The following COL4A3 variants were observed in gnomAD, a reference collection of about 807,000 sequenced individuals.
COL4A3 encodes collagen type IV alpha 3 chain.
Under a neutral mutation model 217.4 loss-of-function variants are expected in COL4A3, and 135 were observed. The ratio of observed to expected loss-of-function variants is 0.62; its 90% CI spans 0.54 to 0.72. The LOEUF (loss-of-function observed/expected upper bound fraction) is 0.72, where lower values mean the gene tolerates loss of function less well. Among genes scored for constraint, COL4A3 ranks in the 30% least tolerant of loss-of-function variants. The probability of loss-of-function intolerance (pLI) is 0.00; values close to 1 mark genes in which losing one functional copy is unlikely to be tolerated. For missense variants in COL4A3, 1,868 were observed against 2,119.9 expected, an observed-to-expected ratio of 0.88 and a Z score of 2.33; for synonymous variants, 690 against 736.3, an observed-to-expected ratio of 0.94 and a Z score of 1.02.
chr2:227,245,524 C>G (rs2069283536), intron 5 of COL4A3, among the ~76,000 whole-genome samples: 2 of 151,928 alleles, frequency 1.3e-5, no homozygotes, highest in Admixed American at 6.6e-5. Context: ...TGGAACTAAC[C>G]CCCACAGGTG....
intron 15 of COL4A3, among the ~76,000 whole-genome samples, chr2:227,254,965 A>G (rs943421563): frequency 2.6e-5 from 4 of 152,226 alleles, no homozygotes; most frequent in Non-Finnish European, 5.9e-5. Context: ...TTCTCTCTGC[A>G]TATCAGCCTC....
At position 227,306,309 on chromosome 2, in the gene COL4A3, C is replaced by T. The variant is rs372026798; in HGVS notation, c.4252+1226C>T. ...AAGAGTCAAACTGCACTGGCATAAA[C>T]TGATAGCCCTGGCCCCTTTCTTGGA... On this transcript the variant is annotated intron_variant, in intron 47 of 51. Transcript: ENST00000396578. Among the ~76,000 whole-genome samples, 6 of 152,178 alleles carry T rather than the reference C, an allele frequency of 3.9e-5. No individual in the cohort carries two copies. In the East Asian group the frequency reaches 1.2e-3, roughly 29 times the overall value.
chr2:227,223,560 G>C (rs55812506), intron 1 of COL4A3, among the ~76,000 whole-genome samples: 68,189 of 151,078 alleles, frequency 0.45, 16,612 homozygotes, highest in Non-Finnish European at 0.56. Flanking sequence ...ATGGTGAGAC[G>C]CCCCCCCAAC....
chr2:227,166,317 G>A (rs1477064562), intron 1 of COL4A3, among the ~76,000 whole-genome samples: 1 of 152,274 alleles, frequency 6.6e-6, no homozygotes, highest in East Asian at 1.9e-4. Context: ...AAAACTCAGT[G>A]GGGATTATCT....
chr2:227,186,797 A>C (rs530980046), intron 1 of COL4A3, among the ~76,000 whole-genome samples: 1 of 152,292 alleles, frequency 6.6e-6, no homozygotes, highest in Non-Finnish European at 1.5e-5. Context: ...AAACATCATA[A>C]ATTGGGTGGC....
In COL4A3 at chr2:227,310,568, G is replaced by A. The variant is rs568150867; in HGVS notation, c.4756-208G>A. 5.3e-4 allele frequency among the ~76,000 whole-genome samples: 80 copies of A among 152,282 alleles called. 1 individual carries two copies. The South Asian group carries it at 0.016, about 30-fold the overall frequency. ...TGACCTCAAGTGATCTGCCCACCTA[G>A]GCCTCCCAAAGAGCGAGCTGGGATT... is the stretch of plus-strand genomic sequence containing the variant. On this transcript the variant is annotated intron_variant, in intron 50 of 51. Coordinates refer to ENST00000396578, the MANE Select transcript of COL4A3 (RefSeq NM_000091.5).
intron 1 of COL4A3, among the ~76,000 whole-genome samples, chr2:227,170,862 G>A (rs1227410420): frequency 6.6e-6 from 1 of 152,126 alleles, no homozygotes; most frequent in African/African-American, 2.4e-5. Context: ...CTTAATGACT[G>A]GATGTTAATG....
intron 1 of COL4A3, among the ~76,000 whole-genome samples, chr2:227,165,499 A>T (rs1416315991): frequency 6.6e-6 from 1 of 152,184 alleles, no homozygotes; most frequent in Non-Finnish European, 1.5e-5. Context: ...CATATTTCTT[A>T]TTCTTTGCCA....
At chr2:227,225,242 TC>T in intron 1 of COL4A3, among the ~76,000 whole-genome samples, 1 of 152,306 alleles carries the variant, frequency 6.6e-6, no homozygotes. Flanking sequence ...AGATTTTTTT[TC>T]AAATGGTCCT....
At chr2:227,190,364 C>A (rs1476160613) in intron 1 of COL4A3, among the ~76,000 whole-genome samples, 1 of 152,194 alleles carries the variant, frequency 6.6e-6, no homozygotes, top group Non-Finnish European at 1.5e-5. Context: ...GATCCTGACT[C>A]CCTTTTAAAA....
chr2:227,207,597 A>AG (rs11323859), intron 1 of COL4A3, among the ~76,000 whole-genome samples: 1 of 152,200 alleles, frequency 6.6e-6, no homozygotes, highest in Non-Finnish European at 1.5e-5. Context: ...TTTAAAGGGC[A>AG]GGGGGGTTTG....
At chr2:227,295,390 T>C (rs2072987270) in intron 41 of COL4A3, 74 bp downstream of exon 41, 5 of 1,283,894 alleles carry the variant, frequency 3.9e-6, no homozygotes, top group Non-Finnish European at 5.7e-6. Context: ...GCTTGAAATA[T>C]AAAGTAAGCT....
chr2:227,289,976 A>G (rs1334918855), intron 35 of COL4A3, 23 bp from the exon 36 acceptor site: 3 of 1,608,268 alleles, frequency 1.9e-6, no homozygotes, highest in Admixed American at 1.7e-5. Context: ...GTGCAGGGCA[A>G]TAACTACTTA....
chr2:227,187,369 T>C (rs1206229898), intron 1 of COL4A3, among the ~76,000 whole-genome samples: 6 of 152,238 alleles, frequency 3.9e-5, no homozygotes, highest in Admixed American at 3.3e-4. Context: ...GGGATGCCTT[T>C]GAATAGAAAT....
intron 4 of COL4A3, among the ~76,000 whole-genome samples, 197 bp downstream of exon 4, chr2:227,244,561 G>A (rs1173451036): frequency 6.6e-6 from 1 of 152,126 alleles, no homozygotes; most frequent in South Asian, 2.1e-4. Flanking sequence ...ACCAAGAAAG[G>A]CCATGAAGGA....
chr2:227,254,269 T>G, intron 14 of COL4A3, 95 bp downstream of exon 14: 1 of 1,164,540 alleles, frequency 8.6e-7, no homozygotes, highest in Non-Finnish European at 1.3e-6. Flanking sequence ...GTTTTTTTTT[T>G]TAAAGAAAGT....
chr2:227,264,018 C>T (rs1400308597), intron 21 of COL4A3, 74 bp downstream of exon 21: 3 of 1,536,254 alleles, frequency 2.0e-6, no homozygotes, highest in Non-Finnish European at 2.7e-6. Context: ...GGGCAACAAA[C>T]CCTCCTCACA....
At chr2:227,222,873 C>G (rs1327188011) in intron 1 of COL4A3, among the ~76,000 whole-genome samples, 1 of 152,194 alleles carries the variant, frequency 6.6e-6, no homozygotes, top group African/African-American at 2.4e-5. Context: ...ATAGGGGACA[C>G]AGAATACAGA....
intron 2 of COL4A3, 36 bp downstream of exon 2, chr2:227,238,060 T>A: frequency 7.3e-7 from 1 of 1,366,620 alleles, no homozygotes; most frequent in Non-Finnish European, 1.0e-6. Flanking sequence ...GTTTACACTG[T>A]AAAGCTCTAG....
Sources: allele counts gnomAD v4.1 joint callset (sites outside exome capture counted in the v4.1 genomes callset), GRCh38; gene constraint gnomAD v4.1.1; transcripts MANE v1.5; gene names NCBI Gene and HGNC (gene_info 2026-07-23, HGNC 2026-07-21).